CMC1: variants seen among roughly 807,000 people sequenced by gnomAD.
The protein encoded by CMC1 is COX assembly mitochondrial protein homolog.
A neutral mutation model predicts 14.1 loss-of-function variants in CMC1; 14 were observed. The ratio of observed to expected loss-of-function variants is 0.99; its 90% CI spans 0.66 to 1.55. CMC1 has a LOEUF of 1.55. CMC1 is among the 40% of genes most tolerant of loss of function. The pLI is 0.00. For missense variants in CMC1, 127 were observed against 123.8 expected (o/e 1.03, Z -0.12); for synonymous variants, 50 against 38.4 (o/e 1.30, Z -1.12).
intron 1 of CMC1, among the ~76,000 whole-genome samples, chr3:28,251,414 T>G (rs956420043): frequency 3.3e-5 from 5 of 152,206 alleles, no homozygotes; most frequent in Non-Finnish European, 7.3e-5. Flanking sequence ...ATGAGACATC[T>G]GCCCTCGTGT....
intron 1 of CMC1, among the ~76,000 whole-genome samples, chr3:28,255,473 T>A (rs1699350336): frequency 6.6e-6 from 1 of 152,040 alleles, no homozygotes; most frequent in Non-Finnish European, 1.5e-5. Flanking sequence ...CTTGAACTCC[T>A]GGCCTCAAGT....
At chr3:28,255,683 G>A (rs1320051856) in intron 1 of CMC1, among the ~76,000 whole-genome samples, 1 of 140,770 alleles carries the variant, frequency 7.1e-6, no homozygotes, top group Non-Finnish European at 1.6e-5. Context: ...TAACATTTTT[G>A]AAACGTTGTT....
rs1225166420 is a variant in CMC1, at chr3:28,320,370, T to C, written c.*741T>C. On this transcript the variant is annotated 3_prime_UTR_variant, in exon 4 of 4. Transcript: ENST00000466830. ...GTTTTCATACTGCATCAAAACATAATAGGGTGTAAAAAATAGAAGGACAAA... is the reference window on the plus strand; with the variant it reads ...GTTTTCATACTGCATCAAAACATAACAGGGTGTAAAAAATAGAAGGACAAA... 6.6e-6 allele frequency: 1 copy of C among 151,490 alleles called. No homozygotes were observed. Among genetic ancestry groups the C allele is most frequent in the Non-Finnish European group, 1.5e-5 (1 of 67,634 alleles). The allele number at this position is 151,490 out of a possible 1,614,324, so 9.4% of individuals were successfully genotyped here. A position where few individuals can be genotyped will look rare whatever the true frequency, so the allele number is the denominator to read the frequency against.
intron 2 of CMC1, among the ~76,000 whole-genome samples, chr3:28,289,843 C>G (rs1370183912): frequency 6.6e-6 from 1 of 152,018 alleles, no homozygotes. Flanking sequence ...AAAAATTACT[C>G]TAAATTCTAC....
intron 1 of CMC1, among the ~76,000 whole-genome samples, chr3:28,246,351 T>C (rs1698828123): frequency 6.6e-6 from 1 of 152,126 alleles, no homozygotes; most frequent in Admixed American, 6.5e-5. Flanking sequence ...GAAAGAAGAA[T>C]TGAGATCAAA....
At chr3:28,312,256 T>C (rs1316578589) in intron 2 of CMC1, among the ~76,000 whole-genome samples, 1 of 152,120 alleles carries the variant, frequency 6.6e-6, no homozygotes, top group African/African-American at 2.4e-5. Context: ...TACTGAAAAG[T>C]TAGGAATAAG....
chr3:28,272,017 C>T (rs1158024172), intron 2 of CMC1, among the ~76,000 whole-genome samples: 2 of 152,030 alleles, frequency 1.3e-5, no homozygotes, highest in African/African-American at 4.8e-5. Context: ...TGATTTGGCT[C>T]TCTGCTTGTC....
rs71087680 is a variant in CMC1, at chr3:28,270,920, C to CTTTTT, written c.109+7558_109+7562dup. Among the ~76,000 whole-genome samples, 138 of 83,676 alleles carry CTTTTT rather than the reference C, an allele frequency of 1.6e-3. 1 individual carries two copies. Among genetic ancestry groups the CTTTTT allele is most frequent in the Non-Finnish European group, 2.0e-3 (88 of 44,248 alleles). The allele number at this position is 83,676 out of a possible 152,430, so 54.9% of individuals were successfully genotyped here. ...TCTTTAATTCATCTTGAGTTAATTT[C>CTTTTT]TTTTTTTTTTTTTTTTTTTTTTGAG... is the stretch of plus-strand genomic sequence containing the variant. On this transcript the variant is annotated intron_variant, in intron 2 of 3. Transcript: ENST00000466830.
At chr3:28,318,067 T>A (rs1048254001) in intron 3 of CMC1, 2 of 151,736 alleles carry the variant, frequency 1.3e-5, no homozygotes, top group Non-Finnish European at 2.9e-5. Context: ...TGACTTTGAG[T>A]CCCCAGATAC....
At chr3:28,281,173 C>T (rs183658908) in intron 2 of CMC1, among the ~76,000 whole-genome samples, 6 of 152,280 alleles carry the variant, frequency 3.9e-5, no homozygotes, top group Admixed American at 2.6e-4. Context: ...CAGCCCTGCA[C>T]GTAAGCTGTC....
At chr3:28,301,295 C>CT (rs1702033065) in intron 2 of CMC1, among the ~76,000 whole-genome samples, 1 of 152,176 alleles carries the variant, frequency 6.6e-6, no homozygotes, top group African/African-American at 2.4e-5. Flanking sequence ...TCACAGCTCA[C>CT]TGCAGCCTTG....
chr3:28,267,762 ATCAAG>A (rs1700081763), intron 2 of CMC1, among the ~76,000 whole-genome samples: 1 of 152,234 alleles, frequency 6.6e-6, no homozygotes, highest in Admixed American at 6.5e-5. Context: ...ACAAAAAACA[ATCAAG>A]TCAAGAATGC....
chr3:28,275,341 C>CTTTTTTTTTTTTTTTTTTTTTTTTTTTT (rs71087681), intron 2 of CMC1, among the ~76,000 whole-genome samples: 1 of 101,066 alleles, frequency 9.9e-6, no homozygotes, highest in African/African-American at 3.8e-5. Flanking sequence ...TTTTTTTTTT[C>CTTTTTTTTTTTTTTTTTTTTTTTTTTTT]TTTTTTTTTT....
At chr3:28,278,125 G>A (rs1336730913) in intron 2 of CMC1, among the ~76,000 whole-genome samples, 1 of 102,582 alleles carries the variant, frequency 9.7e-6, no homozygotes, top group African/African-American at 3.7e-5. Context: ...TGGAGGGGTG[G>A]TAAAAATGGA....
At chr3:28,249,856 C>T (rs1462701505) in intron 1 of CMC1, among the ~76,000 whole-genome samples, 1 of 152,122 alleles carries the variant, frequency 6.6e-6, no homozygotes, top group Non-Finnish European at 1.5e-5. Context: ...GACCAAGATT[C>T]AAGGAGATCT....
chr3:28,286,317 C>T (rs1200166479), intron 2 of CMC1, among the ~76,000 whole-genome samples: 4 of 152,150 alleles, frequency 2.6e-5, no homozygotes, highest in Admixed American at 2.6e-4. Flanking sequence ...GACATTTTGA[C>T]TTTGAAGAAG....
At chr3:28,272,787 G>A (rs1037136669) in intron 2 of CMC1, among the ~76,000 whole-genome samples, 7 of 151,908 alleles carry the variant, frequency 4.6e-5, no homozygotes, top group African/African-American at 1.2e-4. Context: ...AGGTTCAATC[G>A]ATTATCCTTG....
At chr3:28,272,701 T>G (rs1176878008) in intron 2 of CMC1, among the ~76,000 whole-genome samples, 1 of 152,038 alleles carries the variant, frequency 6.6e-6, no homozygotes, top group Non-Finnish European at 1.5e-5. Context: ...TCTTTTTTTT[T>G]GAATTGAAGT....
chr3:28,309,242 A>G (rs1702499684), intron 2 of CMC1, among the ~76,000 whole-genome samples: 2 of 152,094 alleles, frequency 1.3e-5, no homozygotes, highest in African/African-American at 4.8e-5. Flanking sequence ...TCCAACTCAT[A>G]GGTAACTGCC....
Sources: gnomAD v4.1 joint callset for allele counts (sites outside exome capture counted in the v4.1 genomes callset) on GRCh38, gnomAD v4.1.1 for gene constraint, MANE v1.5 for transcripts, NCBI Gene and HGNC (gene_info 2026-07-23, HGNC 2026-07-21) for gene names.